The following EYS variants were observed in gnomAD, a reference collection of about 807,000 sequenced individuals.
EYS encodes the protein protein eyes shut homolog.
Under a neutral mutation model 282.1 loss-of-function variants are expected in EYS, and 250 were observed. The observed-to-expected ratio is 0.89, with a 90% CI of 0.80 to 0.98. The LOEUF (loss-of-function observed/expected upper bound fraction) is 0.98. Among genes scored for constraint, EYS ranks in the 50% least tolerant of loss-of-function variants. The pLI, the probability that EYS is intolerant of heterozygous loss-of-function variation, is 0.00. For synonymous variants in EYS, 1,355 were observed against 1,282.9 expected (o/e 1.06, Z -1.20); for missense variants, 4,016 against 3,709.0 (o/e 1.08, Z -2.15).
intron 1 of EYS, among the ~76,000 whole-genome samples, chr6:65,676,646 G>A (rs990007205): frequency 1.3e-5 from 2 of 151,750 alleles, no homozygotes; most frequent in African/African-American, 4.8e-5. Context: ...AGGAATTAAT[G>A]TCAATCTTTT....
intron 22 of EYS, among the ~76,000 whole-genome samples, chr6:64,717,415 C>A (rs1482991219): frequency 6.6e-6 from 1 of 152,216 alleles, no homozygotes. Flanking sequence ...AAGGAGCTTG[C>A]AGCTTAGGTC....
chr6:64,522,257 T>G (rs908384107), intron 26 of EYS, among the ~76,000 whole-genome samples: 1 of 151,752 alleles, frequency 6.6e-6, no homozygotes, highest in African/African-American at 2.4e-5. Context: ...ATTTTATGTA[T>G]TTTTTAGGGC....
At chr6:65,635,949 A>C (rs9345662) in intron 2 of EYS, among the ~76,000 whole-genome samples, 6,028 of 152,250 alleles carry the variant, frequency 0.04, 330 homozygotes, top group East Asian at 0.3. Context: ...CTGTCTTTGA[A>C]AAACTGCTAA....
intron 29 of EYS, among the ~76,000 whole-genome samples, chr6:64,354,770 T>C (rs552272325): frequency 1.3e-5 from 2 of 151,672 alleles, no homozygotes; most frequent in Admixed American, 1.3e-4. Flanking sequence ...TGTATGAATA[T>C]ATGACATATA....
chr6:64,035,005 C>T (rs941428160), intron 33 of EYS, among the ~76,000 whole-genome samples: 3 of 152,124 alleles, frequency 2.0e-5, no homozygotes, highest in Admixed American at 6.5e-5. Flanking sequence ...AATAGCTAGA[C>T]GTCAATGTCT....
intron 2 of EYS, among the ~76,000 whole-genome samples, chr6:65,573,393 A>T (rs1299190273): frequency 6.6e-6 from 1 of 152,158 alleles, no homozygotes; most frequent in East Asian, 1.9e-4. Context: ...TGCAAAGGAG[A>T]CCAGCATCTT....
At chr6:64,811,508 G>A (rs976260812) in intron 22 of EYS, among the ~76,000 whole-genome samples, 1 of 151,938 alleles carries the variant, frequency 6.6e-6, no homozygotes, top group Non-Finnish European at 1.5e-5. Flanking sequence ...TGGTTTAGGT[G>A]TCCATACCAA....
chr6:64,391,379 G>A (rs1008224197), intron 28 of EYS, among the ~76,000 whole-genome samples: 4 of 152,208 alleles, frequency 2.6e-5, no homozygotes, highest in African/African-American at 9.6e-5. Flanking sequence ...CAGAGAGAAA[G>A]GTCGGATTAC....
chr6:64,450,040 C>T (rs1775267454), intron 26 of EYS, among the ~76,000 whole-genome samples: 2 of 151,860 alleles, frequency 1.3e-5, no homozygotes, highest in Admixed American at 1.3e-4. Flanking sequence ...ATAAATGCTC[C>T]AATTAAAAGG....
At chr6:65,317,805 CCTTCCTTCCTTCCTTCCTTCCTTT>C in intron 11 of EYS, among the ~76,000 whole-genome samples, 1 of 37,934 alleles carries the variant, frequency 2.6e-5, no homozygotes, top group Non-Finnish European at 4.7e-5. Context: ...TTCCTTCCTT[CCTTCCTTCCTTCCTTCCTTCCTTT>C]CTTTCTTTCT....
intron 7 of EYS, among the ~76,000 whole-genome samples, chr6:65,394,944 C>T (rs1216698497): frequency 1.3e-5 from 2 of 152,296 alleles, no homozygotes; most frequent in East Asian, 3.9e-4. Flanking sequence ...AACCATGCTA[C>T]CCATATCTTC....
intron 26 of EYS, among the ~76,000 whole-genome samples, chr6:64,554,047 G>T (rs1283742257): frequency 6.6e-6 from 1 of 151,988 alleles, no homozygotes; most frequent in Non-Finnish European, 1.5e-5. Flanking sequence ...GGCATCCAAA[G>T]GGAATCACAC....
intron 9 of EYS, among the ~76,000 whole-genome samples, chr6:65,353,168 G>A (rs1312938321): frequency 6.6e-6 from 1 of 151,650 alleles, no homozygotes; most frequent in Non-Finnish European, 1.5e-5. Context: ...AGTTATCACT[G>A]TATTTGTCCA....
rs572287573 is a variant in EYS, at chr6:65,162,216, A to T, written c.2024-104489T>A. On this transcript the variant is annotated intron_variant, in intron 12 of 42. Coordinates refer to ENST00000503581, the MANE Select transcript of EYS (RefSeq NM_001142800.2). ...TTCTCCATGTATAAATGGAGATAAC[A>T]CCAGTTCTGTCCATTTCTCAGGATT... 1.3e-4 allele frequency among the ~76,000 whole-genome samples: 20 copies of T among 151,432 alleles called. No individual in the cohort carries two copies. The South Asian group carries it at 4.1e-3, about 31-fold the overall frequency.
chr6:64,249,221 C>A (rs139383758), intron 30 of EYS, among the ~76,000 whole-genome samples: 5 of 152,114 alleles, frequency 3.3e-5, no homozygotes, highest in Non-Finnish European at 7.4e-5. Flanking sequence ...AAAATCATGT[C>A]TTTTGCAGCA....
intron 33 of EYS, among the ~76,000 whole-genome samples, chr6:64,029,400 G>C (rs1369827847): frequency 6.6e-6 from 1 of 152,210 alleles, no homozygotes; most frequent in African/African-American, 2.4e-5. Context: ...AGATCTCACT[G>C]TCTGGACTAC....
intron 23 of EYS, among the ~76,000 whole-genome samples, chr6:64,620,245 T>G (rs902818110): frequency 4.6e-5 from 7 of 152,064 alleles, no homozygotes; most frequent in Non-Finnish European, 8.8e-5. Context: ...ACTCTTAGGA[T>G]TTTTGAGTTC....
At chr6:65,132,634 C>T (rs1775910430) in intron 12 of EYS, among the ~76,000 whole-genome samples, 1 of 151,936 alleles carries the variant, frequency 6.6e-6, no homozygotes, top group Non-Finnish European at 1.5e-5. Context: ...TAAGCATTCC[C>T]CATGAAAACC....
chr6:65,655,717 G>A (rs1478791166), intron 1 of EYS, among the ~76,000 whole-genome samples: 2 of 151,788 alleles, frequency 1.3e-5, no homozygotes, highest in Admixed American at 6.6e-5. Flanking sequence ...AGCAAGATGT[G>A]ACTGAATTGC....
Sources: allele counts gnomAD v4.1 joint callset (sites outside exome capture counted in the v4.1 genomes callset), GRCh38; gene constraint gnomAD v4.1.1; transcripts MANE v1.5; gene names NCBI Gene and HGNC (gene_info 2026-07-23, HGNC 2026-07-21).